The following ACSM2B variants were observed in gnomAD, a reference collection of about 807,000 sequenced individuals.
ACSM2B encodes acyl-coenzyme A synthetase ACSM2B, mitochondrial.
In ACSM2B, 58 loss-of-function variants were observed where a neutral mutation model predicts 78.6. The ratio of observed to expected loss-of-function variants is 0.74; its 90% confidence interval spans 0.60 to 0.92. ACSM2B has a LOEUF of 0.92. Among genes scored for constraint, ACSM2B ranks in the 40% least tolerant of loss-of-function variants. ACSM2B has a pLI of 0.00. For synonymous variants in ACSM2B, 257 were observed against 256.8 expected, an observed-to-expected ratio of 1.00 and a Z score of -0.01; for missense variants, 688 against 711.2, an observed-to-expected ratio of 0.97 and a Z score of 0.37.
intron 9 of ACSM2B, among the ~76,000 whole-genome samples, chr16:20,546,099 T>A (rs1425238925): frequency 6.6e-6 from 1 of 152,176 alleles, no homozygotes; most frequent in Non-Finnish European, 1.5e-5. Context: ...AAATATTATG[T>A]CAAGATTCAC....
At chr16:20,570,241 C>T (rs1450898875) in intron 1 of ACSM2B, among the ~76,000 whole-genome samples, 3 of 151,790 alleles carry the variant, frequency 2.0e-5, no homozygotes, top group Non-Finnish European at 2.9e-5. Flanking sequence ...CCATGGTATG[C>T]TGATTTTGCT....
Position 20,553,768 on chromosome 16 carries a change from T to C in ACSM2B, c.740+9A>G. The C allele has an allele frequency of 6.2e-7, 1 of 1,607,864 alleles. No individual in the cohort carries two copies. Among genetic ancestry groups the C allele is most frequent in the Non-Finnish European group, 8.5e-7 (1 of 1,176,182 alleles). On this transcript the variant is annotated intron_variant, in intron 5 of 13. Coordinates refer to ENST00000329697, the MANE Select transcript of ACSM2B (RefSeq NM_001105069.2). The stretch of plus-strand genomic sequence containing the variant: ...GCAATTCTCTGTAGAGAGAAAGAGC[T>C]CAGCTTACCCAGCATCCATCTTGGC...
At chr16:20,568,671 A>C (rs1475657147) in intron 1 of ACSM2B, among the ~76,000 whole-genome samples, 1 of 151,776 alleles carries the variant, frequency 6.6e-6, no homozygotes, top group Non-Finnish European at 1.5e-5. Context: ...GTACTAGCTT[A>C]CATTCCCACC....
intron 1 of ACSM2B, among the ~76,000 whole-genome samples, chr16:20,572,136 G>A (rs1249674849): frequency 6.6e-6 from 1 of 151,158 alleles, no homozygotes; most frequent in Admixed American, 6.6e-5. Context: ...TGTAGCTTGG[G>A]TTTTTTTCTT....
At chr16:20,547,341 C>T (rs1253307130) in intron 8 of ACSM2B, 14 of 985,252 alleles carry the variant, frequency 1.4e-5, no homozygotes, top group Non-Finnish European at 1.6e-5. Flanking sequence ...CTGGCTCTTT[C>T]ATACCACAGA....
Position 20,543,270 on chromosome 16 carries a change from C to T in ACSM2B, c.1282-8G>A. On this transcript the variant is annotated splice_polypyrimidine_tract_variant and splice_region_variant and intron_variant, in intron 10 of 13. Transcript: ENST00000329697. ...TGTCTTGTCGGGATTTTCCTGGTGA[C>T]CACAGAAAGACAGAGTCATTGTGCC... 3 of 1,611,440 alleles carry T rather than the reference C, an allele frequency of 1.9e-6. No homozygotes were observed. The highest frequency in any genetic ancestry group is 2.5e-6 in the Non-Finnish European group (3 of 1,179,850).
chr16:20,546,771 C>T, intron 8 of ACSM2B: 3 of 308,792 alleles, frequency 9.7e-6, no homozygotes, highest in Non-Finnish European at 1.1e-5. Flanking sequence ...GCTATGGATA[C>T]CCAAAGCCCT....
rs1487136209 is a variant in ACSM2B at position 20,547,363 on chromosome 16, C to G, written c.1098+699G>C. 7 of 985,190 alleles carry G rather than the reference C, an allele frequency of 7.1e-6. No homozygotes were observed. The African/African-American group carries it at 8.7e-5, about 12-fold the overall frequency. The allele number at this position is 985,190 out of a possible 1,614,324, so 61.0% of individuals were successfully genotyped here. On this transcript the variant is annotated intron_variant, in intron 8 of 13. Coordinates refer to ENST00000329697, the MANE Select transcript of ACSM2B (RefSeq NM_001105069.2). ...TTTCATACCACAGAGCTGCCATCAA[C>G]ACTCTGCAAAAGTTCTACCAAGGGT...
intron 13 of ACSM2B, among the ~76,000 whole-genome samples, chr16:20,539,921 C>T (rs1172532686): frequency 6.6e-6 from 1 of 152,212 alleles, no homozygotes; most frequent in Non-Finnish European, 1.5e-5. Context: ...CCTAGGAATG[C>T]CTGGGACTAG....
At chr16:20,559,694 TA>T (rs1330599489) in intron 2 of ACSM2B, among the ~76,000 whole-genome samples, 1 of 149,246 alleles carries the variant, frequency 6.7e-6, no homozygotes, top group African/African-American at 2.6e-5. Context: ...ATAACTGTAA[TA>T]AACCCATTAT....
At chr16:20,546,680 A>C (rs2015152730) in intron 8 of ACSM2B, 2 of 885,310 alleles carry the variant, frequency 2.3e-6, no homozygotes, top group South Asian at 7.1e-5. Context: ...TTCAGGAAGC[A>C]ACCCATCTAC....
Position 20,561,767 on chromosome 16 carries a change from C to T in ACSM2B, c.178-2320G>A, listed in dbSNP as rs148971290. Among the ~76,000 whole-genome samples, 1,068 of 150,880 alleles carry T rather than the reference C, an allele frequency of 7.1e-3. 19 individuals carry two copies. The highest frequency in any genetic ancestry group is 0.025 in the African/African-American group (1,044 of 41,332). On this transcript the variant is annotated intron_variant, in intron 2 of 13. Transcript: ENST00000329697. The stretch of plus-strand genomic sequence containing the variant: ...TCAGGGTACATGTGCACAACGTGCA[C>T]GTTTGTCACATATGTATACATGTGC...
At chr16:20,574,470 C>T (rs1381398806) in intron 1 of ACSM2B, 5 of 151,814 alleles carry the variant, frequency 3.3e-5, no homozygotes, top group Admixed American at 1.3e-4. Flanking sequence ...TAATTGGGAA[C>T]GTGATAAATG....
intron 6 of ACSM2B, chr16:20,549,870 T>G: frequency 2.3e-6 from 1 of 427,618 alleles, no homozygotes; most frequent in Non-Finnish European, 4.6e-6. Flanking sequence ...GTTGAGTTGA[T>G]CTAAAGACCT....
chr16:20,544,513 A>C, intron 10 of ACSM2B: 1 of 923,268 alleles, frequency 1.1e-6, no homozygotes, highest in Non-Finnish European at 1.3e-6. Context: ...CATTCAATAA[A>C]TGGTAGAAAC....
chr16:20,550,968 C>T (rs1269882085), intron 6 of ACSM2B, among the ~76,000 whole-genome samples: 1 of 152,040 alleles, frequency 6.6e-6, no homozygotes, highest in Non-Finnish European at 1.5e-5. Context: ...GATGGGGGAA[C>T]ATTTTTACAG....
intron 2 of ACSM2B, among the ~76,000 whole-genome samples, chr16:20,562,524 C>A (rs866902499): frequency 6.6e-6 from 1 of 152,110 alleles, no homozygotes; most frequent in Non-Finnish European, 1.5e-5. Flanking sequence ...TGGACATAGA[C>A]CAAGCTAACT....
chr16:20,555,678 G>C (rs1413232590), intron 3 of ACSM2B, among the ~76,000 whole-genome samples: 1 of 152,138 alleles, frequency 6.6e-6, no homozygotes, highest in Non-Finnish European at 1.5e-5. Flanking sequence ...AGAGTCTTAA[G>C]GGCCCTACTG....
chr16:20,570,178 A>G (rs954076990), intron 1 of ACSM2B, among the ~76,000 whole-genome samples: 2 of 151,870 alleles, frequency 1.3e-5, no homozygotes, highest in Non-Finnish European at 2.9e-5. Context: ...CCCATTCACT[A>G]TTATGTTGCC....
Sources: allele counts gnomAD v4.1 joint callset (sites outside exome capture counted in the v4.1 genomes callset), GRCh38; gene constraint gnomAD v4.1.1; transcripts MANE v1.5; gene names NCBI Gene and HGNC (gene_info 2026-07-23, HGNC 2026-07-21).